PRIM2: variants seen among roughly 807,000 people sequenced by gnomAD.
The protein encoded by PRIM2 is DNA primase subunit 2.
Under a neutral mutation model 67.3 loss-of-function variants are expected in PRIM2, and 39 were observed. That is an observed-to-expected ratio of 0.58 (90% CI 0.45 to 0.76). PRIM2 has a LOEUF of 0.76. Ranked by LOEUF, PRIM2 falls within the 30% of genes least tolerant of loss-of-function variation. PRIM2 has a pLI of 0.00. For missense variants in PRIM2, 398 were observed against 598.7 expected (o/e 0.66, Z 3.50); for synonymous variants, 143 against 198.7 (o/e 0.72, Z 2.36).
the PRIM2 span, among the ~76,000 whole-genome samples, chr6:57,268,263 C>T: frequency 2.1e-3 from 317 of 152,222 alleles, 2 homozygotes; most frequent in African/African-American, 7.4e-3. Context: ...GAATGCCCAC[C>T]AGGTGGTGCT....
At chr6:57,455,504 C>G (rs1383984983) in intron 7 of PRIM2, among the ~76,000 whole-genome samples, 1 of 152,186 alleles carries the variant, frequency 6.6e-6, no homozygotes, top group Non-Finnish European at 1.5e-5. Context: ...GGATAGTTAG[C>G]TCTTCTTGTT....
intron 5 of PRIM2, among the ~76,000 whole-genome samples, chr6:57,348,182 G>C (rs948007308): frequency 4.6e-5 from 7 of 151,890 alleles, no homozygotes; most frequent in African/African-American, 1.7e-4. Context: ...TTGTTTTCTA[G>C]CCCGTAGTTT....
the PRIM2 span, among the ~76,000 whole-genome samples, chr6:57,291,871 C>CA: frequency 6.6e-6 from 1 of 152,110 alleles, no homozygotes; most frequent in Non-Finnish European, 1.5e-5. Flanking sequence ...CTATTTATGA[C>CA]AAAACCATAG....
intron 8 of PRIM2, among the ~76,000 whole-genome samples, chr6:57,508,157 G>A (rs1350378930): frequency 1.3e-5 from 2 of 151,986 alleles, no homozygotes; most frequent in African/African-American, 2.4e-5. Context: ...GACTGGTCTC[G>A]AACTCCTGAC....
chr6:57,544,288 T>G (rs1336646629), intron 10 of PRIM2, among the ~76,000 whole-genome samples: 1 of 151,750 alleles, frequency 6.6e-6, no homozygotes, highest in African/African-American at 2.4e-5. Flanking sequence ...TCTCTCCAGC[T>G]GGAGGGGAGG....
At chr6:57,269,688 G>A in the PRIM2 span, among the ~76,000 whole-genome samples, 1 of 152,110 alleles carries the variant, frequency 6.6e-6, no homozygotes, top group Non-Finnish European at 1.5e-5. Context: ...TGGTGTTTTA[G>A]ACATGAGGTC....
chr6:57,643,469 G>A (rs1176670681), intron 13 of PRIM2, among the ~76,000 whole-genome samples: 3 of 152,078 alleles, frequency 2.0e-5, no homozygotes, highest in African/African-American at 4.8e-5. Flanking sequence ...ATTCTCCTTA[G>A]GCCTCTGTAC....
intron 7 of PRIM2, among the ~76,000 whole-genome samples, chr6:57,411,159 C>G (rs1477056852): frequency 6.6e-6 from 1 of 151,968 alleles, no homozygotes. Context: ...CTCCTGCTCT[C>G]ACCATGTGAA....
chr6:57,348,747 C>CTT (rs67086940), intron 5 of PRIM2, among the ~76,000 whole-genome samples: 62 of 71,592 alleles, frequency 8.7e-4, no homozygotes, highest in African/African-American at 2.7e-3. Context: ...CCTTCCTGCC[C>CTT]TTTTTTTTTT....
intron 8 of PRIM2, among the ~76,000 whole-genome samples, chr6:57,511,349 T>G (rs1774363604): frequency 6.6e-6 from 1 of 152,230 alleles, no homozygotes; most frequent in East Asian, 1.9e-4. Context: ...ATTCACTCAT[T>G]AATTACTTAG....
intron 7 of PRIM2, chr6:57,383,418 C>T (rs1380345416): frequency 6.6e-6 from 1 of 152,138 alleles, no homozygotes; most frequent in African/African-American, 2.4e-5. Flanking sequence ...AAAAATATCA[C>T]CGTGCATTTC....
chr6:57,532,311 T>C (rs1303988399), intron 8 of PRIM2, 100 bp from the exon 9 acceptor site: 2 of 480,950 alleles, frequency 4.2e-6, no homozygotes, highest in Non-Finnish European at 7.0e-6. Context: ...TGTAAAATGC[T>C]TTCTTATTTT....
chr6:57,539,654 G>A (rs1292516138), intron 10 of PRIM2, among the ~76,000 whole-genome samples: 616 of 55,830 alleles, frequency 0.011, 5 homozygotes, highest in East Asian at 0.05. Context: ...GTGTGTGTGT[G>A]TGTATATATA....
At chr6:57,246,040 C>T in the PRIM2 span, among the ~76,000 whole-genome samples, 1 of 152,190 alleles carries the variant, frequency 6.6e-6, no homozygotes, top group African/African-American at 2.4e-5. Context: ...CTCTATCCAT[C>T]CATTTATCCA....
intron 12 of PRIM2, among the ~76,000 whole-genome samples, chr6:57,617,385 G>A (rs1776774883): frequency 1.3e-5 from 2 of 152,150 alleles, no homozygotes; most frequent in African/African-American, 4.8e-5. Context: ...ACATTTTTAG[G>A]TAGTGGGAGT....
Position 57,463,584 on chromosome 6 carries a change from A to G in PRIM2, c.694-43803A>G, listed in dbSNP as rs1414308346. On this transcript the variant is annotated intron_variant, in intron 7 of 13. Coordinates refer to ENST00000615550, the MANE Select transcript of PRIM2 (RefSeq NM_000947.5). ...TAATTATTTATCCTGATTTGGTTCT[A>G]TGATTCAAAAAACCATTTTTTAGGA... is the stretch of plus-strand genomic sequence containing the variant. Among the ~76,000 whole-genome samples, 142 of 152,330 alleles carry G rather than the reference A, an allele frequency of 9.3e-4. 1 individual carries two copies. The highest frequency in any genetic ancestry group is 3.2e-3 in the African/African-American group (134 of 41,572).
intron 5 of PRIM2, among the ~76,000 whole-genome samples, chr6:57,337,310 A>G (rs1236305101): frequency 6.6e-6 from 1 of 152,154 alleles, no homozygotes; most frequent in Non-Finnish European, 1.5e-5. Flanking sequence ...ACAAGACAGA[A>G]AGTCAACAAT....
chr6:57,293,828 G>T, the PRIM2 span, among the ~76,000 whole-genome samples: 2 of 148,900 alleles, frequency 1.3e-5, no homozygotes, highest in African/African-American at 2.5e-5. Flanking sequence ...ACACACTGGG[G>T]CCTGTTGGGG....
At chr6:57,558,644 G>A (rs1343186122) in intron 10 of PRIM2, among the ~76,000 whole-genome samples, 24 of 144,844 alleles carry the variant, frequency 1.7e-4, no homozygotes, top group Non-Finnish European at 2.6e-4. Flanking sequence ...GCTGTCTTCT[G>A]ATCTTTATCT....
Sources: gnomAD v4.1 joint callset for allele counts (sites outside exome capture counted in the v4.1 genomes callset) on GRCh38, gnomAD v4.1.1 for gene constraint, MANE v1.5 for transcripts, NCBI Gene and HGNC (gene_info 2026-07-23, HGNC 2026-07-21) for gene names.